The following ARL15 variants were observed in gnomAD, a reference collection of about 807,000 sequenced individuals.
The protein encoded by ARL15 is ADP-ribosylation factor-like protein 15.
Under a neutral mutation model 25.2 loss-of-function variants are expected in ARL15, and 19 were observed. The ratio of observed to expected loss-of-function variants is 0.75; its 90% CI spans 0.53 to 1.10. The LOEUF is 1.10. Ranked by LOEUF, ARL15 falls within the 50% of genes least tolerant of loss-of-function variation. The probability of loss-of-function intolerance (pLI) is 0.00; values close to 1 mark genes in which losing one functional copy is unlikely to be tolerated. For synonymous variants in ARL15, 94 were observed against 86.8 expected (o/e 1.08, Z -0.46); for missense variants, 220 against 246.0 (o/e 0.89, Z 0.71).
chr5:54,062,512 T>A (rs1041324814), intron 4 of ARL15, among the ~76,000 whole-genome samples: 158 of 145,712 alleles, frequency 1.1e-3, no homozygotes, highest in African/African-American at 3.9e-3. Context: ...GATTTGGTGG[T>A]TAAGGAAAAA....
intron 1 of ARL15, among the ~76,000 whole-genome samples, chr5:54,273,778 G>T (rs995172581): frequency 1.3e-5 from 2 of 152,152 alleles, no homozygotes; most frequent in African/African-American, 4.8e-5. Flanking sequence ...CTTAATAAGT[G>T]CTCGGTAAAT....
intron 3 of ARL15, among the ~76,000 whole-genome samples, chr5:54,143,001 A>G (rs1451678844): frequency 6.6e-6 from 1 of 152,158 alleles, no homozygotes; most frequent in Non-Finnish European, 1.5e-5. Flanking sequence ...TTAATTTCTA[A>G]TTTTACTGGA....
chr5:54,307,896 A>G (rs1392527058), intron 1 of ARL15: 1 of 152,206 alleles, frequency 6.6e-6, no homozygotes, highest in East Asian at 1.9e-4. Flanking sequence ...ACTCTAATCC[A>G]TTCAGCAAAA....
At chr5:54,031,783 A>G (rs776010241) in intron 4 of ARL15, among the ~76,000 whole-genome samples, 1 of 152,186 alleles carries the variant, frequency 6.6e-6, no homozygotes, top group African/African-American at 2.4e-5. Flanking sequence ...AACTAAATGC[A>G]GTTTCCCCAT....
intron 1 of ARL15, among the ~76,000 whole-genome samples, chr5:54,283,328 A>G (rs1758104726): frequency 1.3e-5 from 2 of 152,246 alleles, no homozygotes; most frequent in Admixed American, 6.5e-5. Context: ...AAGATTGGAA[A>G]GCCAAAGGCT....
intron 4 of ARL15, among the ~76,000 whole-genome samples, chr5:54,066,159 A>G (rs1751224526): frequency 6.6e-6 from 1 of 152,228 alleles, no homozygotes; most frequent in South Asian, 2.1e-4. Flanking sequence ...GGAGGAATGA[A>G]TCCACATCTG....
chr5:54,033,944 G>C (rs1481238107), intron 4 of ARL15, among the ~76,000 whole-genome samples: 1 of 152,112 alleles, frequency 6.6e-6, no homozygotes, highest in African/African-American at 2.4e-5. Context: ...CTCCTGAGTA[G>C]CTGGGACTAC....
At chr5:54,215,000 T>C (rs1408482404) in intron 1 of ARL15, among the ~76,000 whole-genome samples, 1 of 151,970 alleles carries the variant, frequency 6.6e-6, no homozygotes, top group African/African-American at 2.4e-5. Context: ...AATCTGGCCA[T>C]AGTCACCCAC....
intron 4 of ARL15, among the ~76,000 whole-genome samples, chr5:53,889,187 TG>T (rs1744636826): frequency 6.6e-6 from 1 of 152,014 alleles, no homozygotes; most frequent in Non-Finnish European, 1.5e-5. Context: ...TTCCTCTGGG[TG>T]GTTAATTTAA....
At position 54,310,567 on chromosome 5, in the gene ARL15, C is replaced by T. The variant is rs1758872586; in HGVS notation, c.-88G>A. The T allele has an allele frequency of 6.9e-7, 1 of 1,439,976 alleles. No homozygotes were observed. The highest frequency in any genetic ancestry group is 9.5e-7 in the Non-Finnish European group (1 of 1,057,488). 89.2% of individuals were successfully genotyped at this position (1,439,976 alleles called of 1,614,324 possible). ...GCGAGCGAGCAGCTCCTGAAAAAGC[C>T]AGCAACAGCGAAAATAGCCGAAAGC... On this transcript the variant is annotated 5_prime_UTR_variant, in exon 1 of 5. Transcript: ENST00000504924.
At chr5:54,130,406 T>G (rs1753395221) in intron 3 of ARL15, among the ~76,000 whole-genome samples, 1 of 152,238 alleles carries the variant, frequency 6.6e-6, no homozygotes, top group African/African-American at 2.4e-5. Flanking sequence ...TATGATATTT[T>G]GCTATTGAAA....
chr5:54,126,185 T>C (rs915344786), intron 3 of ARL15, among the ~76,000 whole-genome samples: 2 of 152,158 alleles, frequency 1.3e-5, no homozygotes, highest in Non-Finnish European at 2.9e-5. Flanking sequence ...ACTCACATTG[T>C]TTCATCTACC....
At chr5:54,276,129 C>T (rs1757923356) in intron 1 of ARL15, among the ~76,000 whole-genome samples, 2 of 152,038 alleles carry the variant, frequency 1.3e-5, no homozygotes, top group Admixed American at 6.6e-5. Flanking sequence ...AACAGCCAAG[C>T]CAACACCTTA....
At chr5:54,285,261 C>A in intron 1 of ARL15, 1 of 579,430 alleles carries the variant, frequency 1.7e-6, no homozygotes. Context: ...TGGTTACAAT[C>A]TGTTTAAGAG....
chr5:54,149,143 G>A (rs894601498), intron 3 of ARL15, among the ~76,000 whole-genome samples: 12 of 152,164 alleles, frequency 7.9e-5, no homozygotes, highest in Non-Finnish European at 1.0e-4. Context: ...TGCGGTTAAA[G>A]TACATAAGGC....
chr5:54,125,075 G>GT (rs774608441), intron 3 of ARL15, among the ~76,000 whole-genome samples: 2,028 of 134,446 alleles, frequency 0.015, 96 homozygotes, highest in African/African-American at 0.047. Flanking sequence ...TTTTTGTTTT[G>GT]TTTTGTTTTG....
At chr5:54,165,075 T>C (rs913461927) in intron 2 of ARL15, among the ~76,000 whole-genome samples, 1 of 151,982 alleles carries the variant, frequency 6.6e-6, no homozygotes, top group Non-Finnish European at 1.5e-5. Context: ...CTTTAATCAG[T>C]CTACCTTCAA....
intron 4 of ARL15, among the ~76,000 whole-genome samples, chr5:54,013,099 C>T (rs1307504764): frequency 6.6e-6 from 1 of 152,198 alleles, no homozygotes; most frequent in Non-Finnish European, 1.5e-5. Context: ...CACGCCCGGA[C>T]TTCTTTCTTT....
At chr5:54,089,132 C>A (rs1579786603) in intron 4 of ARL15, among the ~76,000 whole-genome samples, 1 of 152,136 alleles carries the variant, frequency 6.6e-6, no homozygotes, top group Admixed American at 6.6e-5. Context: ...AGCTCCAGCA[C>A]CCCCCGCCTC....
Sources: allele counts gnomAD v4.1 joint callset (sites outside exome capture counted in the v4.1 genomes callset), GRCh38; gene constraint gnomAD v4.1.1; transcripts MANE v1.5; gene names NCBI Gene and HGNC (gene_info 2026-07-23, HGNC 2026-07-21).